The following MECOM variants were observed in gnomAD, a reference collection of about 807,000 sequenced individuals.
MECOM encodes MDS1 and EVI1 complex locus.
A neutral mutation model predicts 116.3 loss-of-function variants in MECOM; 13 were observed. That is an observed-to-expected ratio of 0.11 (90% CI 0.07 to 0.18). The LOEUF is 0.18. Ranked by LOEUF, MECOM falls within the 10% of genes least tolerant of loss-of-function variation. MECOM has a pLI of 1.00. For missense variants in MECOM, 1,299 were observed against 1,509.0 expected (o/e 0.86, Z 2.31); for synonymous variants, 528 against 535.2 (o/e 0.99, Z 0.19).
chr3:169,187,885 C>G (rs1746985816), intron 2 of MECOM, among the ~76,000 whole-genome samples: 2 of 152,100 alleles, frequency 1.3e-5, no homozygotes, highest in Admixed American at 1.3e-4. Flanking sequence ...TAGACGCACA[C>G]TGGGGCTGTC....
intron 2 of MECOM, among the ~76,000 whole-genome samples, chr3:169,312,423 C>T (rs1365363497): frequency 2.9e-5 from 4 of 137,348 alleles, no homozygotes; most frequent in African/African-American, 5.6e-5. Flanking sequence ...GGCTGGAGTG[C>T]AGTGGCGCGA....
At position 169,084,400 on chromosome 3, in the gene MECOM, A is replaced by G. The variant is rs1717024832; in HGVS notation, c.*509T>C. 1 of 232,264 alleles carries G rather than the reference A, an allele frequency of 4.3e-6. No individual in the cohort carries two copies. Among genetic ancestry groups the G allele is most frequent in the Non-Finnish European group, 8.5e-6 (1 of 117,584 alleles). The allele number at this position is 232,264 out of a possible 1,614,324, so 14.4% of individuals were successfully genotyped here. On this transcript the variant is annotated 3_prime_UTR_variant, in exon 17 of 17. Coordinates refer to ENST00000651503, the MANE Select transcript of MECOM (RefSeq NM_004991.4). ...CAGTTTCTATAATAATTGACTGTGC[A>G]TTTCATCCAACTACTTCTGTCTTCA...
At chr3:169,245,295 G>A (rs1480459747) in intron 2 of MECOM, among the ~76,000 whole-genome samples, 2 of 152,084 alleles carry the variant, frequency 1.3e-5, no homozygotes, top group African/African-American at 4.8e-5. Context: ...ATGTTGAAAA[G>A]CCACCATCCT....
At chr3:169,372,610 T>TA (rs1402551223) in intron 2 of MECOM, among the ~76,000 whole-genome samples, 1 of 151,962 alleles carries the variant, frequency 6.6e-6, no homozygotes, top group Non-Finnish European at 1.5e-5. Context: ...CAATAACTTA[T>TA]AAAAATCAAT....
intron 1 of MECOM, among the ~76,000 whole-genome samples, chr3:169,492,229 C>T (rs1467509904): frequency 1.3e-5 from 2 of 152,108 alleles, no homozygotes; most frequent in African/African-American, 2.4e-5. Context: ...AGAGAAAGTT[C>T]GTGGGGTAAG....
intron 1 of MECOM, among the ~76,000 whole-genome samples, chr3:169,453,241 T>A (rs1315313119): frequency 3.3e-5 from 5 of 152,236 alleles, no homozygotes; most frequent in Admixed American, 2.6e-4. Flanking sequence ...AGCAAGCAAC[T>A]ATATTTATCC....
At chr3:169,656,422 T>C (rs903804215) in intron 1 of MECOM, among the ~76,000 whole-genome samples, 3 of 152,068 alleles carry the variant, frequency 2.0e-5, no homozygotes, top group Non-Finnish European at 4.4e-5. Context: ...GAATAATAAC[T>C]AAAATCAAAA....
At chr3:169,584,659 AT>A (rs1765574795) in intron 1 of MECOM, among the ~76,000 whole-genome samples, 1 of 152,146 alleles carries the variant, frequency 6.6e-6, no homozygotes, top group South Asian at 2.1e-4. Context: ...CTTGTAGTAC[AT>A]TTCCAATTGA....
chr3:169,559,046 G>GCGCA (rs1553885901), intron 1 of MECOM, among the ~76,000 whole-genome samples: 12 of 148,394 alleles, frequency 8.1e-5, no homozygotes, highest in East Asian at 7.9e-4. Context: ...ACACACACGC[G>GCGCA]CACACACACA....
intron 1 of MECOM, among the ~76,000 whole-genome samples, chr3:169,563,962 A>G (rs2109386935): frequency 6.6e-6 from 1 of 152,302 alleles, no homozygotes; most frequent in Admixed American, 6.5e-5. Flanking sequence ...CAGTACACTG[A>G]CCAAGAGCCC....
At chr3:169,570,832 C>T (rs1042091037) in intron 1 of MECOM, among the ~76,000 whole-genome samples, 2 of 152,212 alleles carry the variant, frequency 1.3e-5, no homozygotes, top group African/African-American at 2.4e-5. Context: ...ATTGATGGAA[C>T]GTATCTAAAA....
chr3:169,562,882 T>G (rs1454510526), intron 1 of MECOM, among the ~76,000 whole-genome samples: 2 of 151,868 alleles, frequency 1.3e-5, no homozygotes, highest in Non-Finnish European at 2.9e-5. Flanking sequence ...GCCAACATAG[T>G]GAAACCCCAT....
At chr3:169,445,568 C>T (rs903223995) in intron 1 of MECOM, among the ~76,000 whole-genome samples, 1 of 152,172 alleles carries the variant, frequency 6.6e-6, no homozygotes, top group Non-Finnish European at 1.5e-5. Flanking sequence ...GAACCTCTGC[C>T]AGGGCAGTGC....
At chr3:169,195,145 T>G (rs1382701396) in intron 2 of MECOM, among the ~76,000 whole-genome samples, 3 of 152,102 alleles carry the variant, frequency 2.0e-5, no homozygotes, top group African/African-American at 4.8e-5. Flanking sequence ...GCAAGAACCT[T>G]GTAAAACAAA....
chr3:169,104,183 C>A (rs1347704531), intron 10 of MECOM, among the ~76,000 whole-genome samples: 1 of 152,160 alleles, frequency 6.6e-6, no homozygotes, highest in Non-Finnish European at 1.5e-5. Context: ...TTGACACATA[C>A]TGATCACAGG....
At chr3:169,290,920 TG>T (rs1714425886) in intron 2 of MECOM, among the ~76,000 whole-genome samples, 1 of 152,146 alleles carries the variant, frequency 6.6e-6, no homozygotes, top group Non-Finnish European at 1.5e-5. Flanking sequence ...ATTTTTAGAA[TG>T]TAGCAGAACA....
At chr3:169,221,406 G>A (rs1577383315) in intron 2 of MECOM, among the ~76,000 whole-genome samples, 1 of 151,870 alleles carries the variant, frequency 6.6e-6, no homozygotes, top group East Asian at 1.9e-4. Flanking sequence ...CTTCTATCTG[G>A]CTACACAATT....
chr3:169,414,790 G>A (rs1199553077), intron 1 of MECOM, among the ~76,000 whole-genome samples: 1 of 152,134 alleles, frequency 6.6e-6, no homozygotes, highest in Non-Finnish European at 1.5e-5. Context: ...ATCAGAGATT[G>A]AAGATCAACT....
intron 1 of MECOM, among the ~76,000 whole-genome samples, chr3:169,596,190 G>A (rs765117296): frequency 2.1e-4 from 32 of 151,994 alleles, no homozygotes; most frequent in East Asian, 3.9e-4. Flanking sequence ...TTATACTTCC[G>A]AGAGATGTGC....
Sources: gnomAD v4.1 joint callset for allele counts (sites outside exome capture counted in the v4.1 genomes callset) on GRCh38, gnomAD v4.1.1 for gene constraint, MANE v1.5 for transcripts, NCBI Gene and HGNC (gene_info 2026-07-23, HGNC 2026-07-21) for gene names.